The following ARHGAP35 variants were observed in gnomAD, a reference collection of about 807,000 sequenced individuals.
ARHGAP35 encodes rho GTPase-activating protein 35.
In ARHGAP35, 15 loss-of-function variants were observed where a neutral mutation model predicts 111.1. The observed-to-expected ratio is 0.13, with a 90% CI of 0.09 to 0.21. The LOEUF (loss-of-function observed/expected upper bound fraction) is 0.21, where lower values mean the gene tolerates loss of function less well. Ranked by LOEUF, ARHGAP35 falls within the 10% of genes least tolerant of loss-of-function variation. The pLI is 1.00. For missense variants in ARHGAP35, 1,262 were observed against 1,873.0 expected (o/e 0.67, Z 6.02); for synonymous variants, 643 against 710.3 (o/e 0.91, Z 1.51).
At chr19:46,868,904 T>TC (rs2122856887) in intron 1 of ARHGAP35, among the ~76,000 whole-genome samples, 1 of 131,808 alleles carries the variant, frequency 7.6e-6, no homozygotes, top group Non-Finnish European at 1.6e-5. Flanking sequence ...TTTTTTTTTT[T>TC]TTTTTTTTTT....
intron 1 of ARHGAP35, among the ~76,000 whole-genome samples, chr19:46,896,503 C>G (rs78247835): frequency 0.011 from 1,726 of 152,334 alleles, 39 homozygotes; most frequent in African/African-American, 0.039. Context: ...GAGACTGTTT[C>G]CCTCACAGTG....
chr19:46,957,493 G>A (rs920850121), intron 3 of ARHGAP35, among the ~76,000 whole-genome samples: 1 of 151,922 alleles, frequency 6.6e-6, no homozygotes, highest in Non-Finnish European at 1.5e-5. Context: ...TGTGCCTGCA[G>A]TCCCAGCTAC....
At chr19:46,913,991 A>AT (rs963887912) in intron 1 of ARHGAP35, among the ~76,000 whole-genome samples, 1 of 151,968 alleles carries the variant, frequency 6.6e-6, no homozygotes, top group Non-Finnish European at 1.5e-5. Flanking sequence ...GACTCAGCTA[A>AT]TTTTTTTTAC....
intron 1 of ARHGAP35, among the ~76,000 whole-genome samples, chr19:46,912,418 G>A (rs934417665): frequency 2.1e-4 from 31 of 150,936 alleles, no homozygotes; most frequent in African/African-American, 6.8e-4. Flanking sequence ...GCAGTGGCAC[G>A]ATCTCGGCTC....
chr19:46,968,616 T>C (rs182027161), intron 3 of ARHGAP35, among the ~76,000 whole-genome samples: 3 of 152,316 alleles, frequency 2.0e-5, no homozygotes, highest in East Asian at 3.9e-4. Flanking sequence ...AGATATAATA[T>C]ATTCATACAG....
chr19:46,985,968 A>G lies in ARHGAP35; in HGVS notation c.3827-2021A>G, dbSNP rs988850304. 2.6e-5 allele frequency among the ~76,000 whole-genome samples: 4 copies of G among 152,104 alleles called. 1 individual carries two copies. The South Asian group carries it at 8.3e-4, about 32-fold the overall frequency. On this transcript the variant is annotated intron_variant, in intron 3 of 6. Coordinates refer to ENST00000672722, the MANE Select transcript of ARHGAP35 (RefSeq NM_004491.5). ...CTCTCCAGAGGTAGCAGTGACAATA[A>G]CAACCAACACGTGGCTCTCGGAAGC...
rs563071377 is a variant in ARHGAP35 at position 46,922,152 on chromosome 19, G to A, written c.3477G>A (p.Arg1159=). ...VSIVSKPVLY[R]TRCTRLGRFA... is the part of the protein sequence containing the mutation. ...TCGTGAGCAAGCCAGTGCTGTACAG[G>A]ACGAGATGCACCCGGCTGGGGCGGT... is the stretch of plus-strand genomic sequence containing the variant. The change falls in exon 2 of 7, where the codon AGG becomes AGA. Residue 1159 remains arginine (R), a synonymous_variant. Coordinates refer to ENST00000672722, the MANE Select transcript of ARHGAP35 (RefSeq NM_004491.5). The surrounding 1 kb of genome is among the most constrained non-coding windows in gnomAD (Gnocchi z 4.0). The A allele has an allele frequency of 2.5e-6, 4 of 1,614,046 alleles. No homozygotes were observed. The highest frequency in any genetic ancestry group is 3.3e-5 in the Admixed American group (2 of 60,028).
At position 46,994,591 on chromosome 19, in the gene ARHGAP35, G is replaced by C. The variant is rs1430907894; in HGVS notation, c.4037-4713G>C. On this transcript the variant is annotated intron_variant, in intron 5 of 6. Transcript: ENST00000672722. This position sits in a 1 kb window ranked among gnomAD's most constrained non-coding sequence, Gnocchi z 5.4. Reference sequence around the variant, plus strand: ...CCAGAGGCGCCGTGAACTCGCCGGGGATGAGGATGGTGGTCAGGAGGGGAA... The same window carrying C: ...CCAGAGGCGCCGTGAACTCGCCGGGCATGAGGATGGTGGTCAGGAGGGGAA... Among the ~76,000 whole-genome samples, 2 of 152,162 alleles carry C rather than the reference G, an allele frequency of 1.3e-5. No individual in the cohort carries two copies. The highest frequency in any genetic ancestry group is 4.8e-5 in the African/African-American group (2 of 41,434).
At chr19:46,990,023 A>G (rs1319609582) in intron 5 of ARHGAP35, among the ~76,000 whole-genome samples, 1 of 152,164 alleles carries the variant, frequency 6.6e-6, no homozygotes, top group African/African-American at 2.4e-5. Context: ...ACTCCTGCGG[A>G]TGAAATTCTA....
At position 46,993,141 on chromosome 19, in the gene ARHGAP35, G is replaced by A. The variant is rs569361377; in HGVS notation, c.4036+3466G>A. 2.2e-4 allele frequency among the ~76,000 whole-genome samples: 33 copies of A among 152,342 alleles called. No homozygotes were observed. The highest frequency in any genetic ancestry group is 1.0e-3 in the Admixed American group (16 of 15,310). On this transcript the variant is annotated intron_variant, in intron 5 of 6. Transcript: ENST00000672722. The surrounding 1 kb of genome is among the most constrained non-coding windows in gnomAD (Gnocchi z 4.6). ...ACATTCAACAGGTGATTGCAAAGCCGTGTCTCCAGGGGAAGGACAGCTTGG... is the reference window on the plus strand; with the variant it reads ...ACATTCAACAGGTGATTGCAAAGCCATGTCTCCAGGGGAAGGACAGCTTGG...
At chr19:46,884,024 C>T (rs1468677863) in intron 1 of ARHGAP35, among the ~76,000 whole-genome samples, 1 of 152,140 alleles carries the variant, frequency 6.6e-6, no homozygotes, top group Non-Finnish European at 1.5e-5. Context: ...CAGTGCACTC[C>T]AACCTGGGTG....
intron 1 of ARHGAP35, among the ~76,000 whole-genome samples, chr19:46,892,912 G>C (rs926130346): frequency 5.3e-5 from 8 of 152,058 alleles, no homozygotes; most frequent in Admixed American, 4.6e-4. Context: ...CCCAACATTT[G>C]TAAGTCCAGT....
intron 3 of ARHGAP35, among the ~76,000 whole-genome samples, chr19:46,940,849 G>A (rs982362217): frequency 6.6e-6 from 1 of 152,108 alleles, no homozygotes; most frequent in African/African-American, 2.4e-5. Flanking sequence ...CCTTTGCTCT[G>A]TCCCCTCCAC....
chr19:46,959,734 G>C (rs993958921), intron 3 of ARHGAP35, among the ~76,000 whole-genome samples: 1 of 151,094 alleles, frequency 6.6e-6, no homozygotes, highest in African/African-American at 2.4e-5. Context: ...TTTATATTTT[G>C]TCTACTGATG....
chr19:46,920,333 A>T lies in ARHGAP35; in HGVS notation c.1658A>T (p.His553Leu), dbSNP rs1304297222. The T allele has an allele frequency of 6.2e-7, 1 of 1,613,974 alleles. No individual in the cohort carries two copies. Among genetic ancestry groups the T allele is most frequent in the South Asian group, 1.1e-5 (1 of 91,074 alleles). Residue 553 changes from histidine (H) to leucine (L), a missense_variant, in exon 2 of 7, where the codon CAC (histidine) becomes CTC (leucine). This residue lies in a region of ARHGAP35 where 328 missense variants were observed against 440.8 expected (regional missense o/e 0.74). Transcript: ENST00000672722. This position sits in a 1 kb window ranked among gnomAD's most constrained non-coding sequence, Gnocchi z 7.0. Reference protein sequence around the residue: ...LILKHIHFVYHPTKETCPSCP... With the variant: ...LILKHIHFVYLPTKETCPSCP... Reference sequence around the variant, plus strand: ...CTGAAACACATTCATTTTGTGTACCACCCAACAAAGGAGACATGCCCCAGC... The same window carrying T: ...CTGAAACACATTCATTTTGTGTACCTCCCAACAAAGGAGACATGCCCCAGC...
intron 1 of ARHGAP35, among the ~76,000 whole-genome samples, chr19:46,895,751 C>T (rs1346016322): frequency 6.6e-6 from 1 of 152,086 alleles, no homozygotes; most frequent in Admixed American, 6.6e-5. Context: ...TCTCCAGGTC[C>T]CAATGCCCTT....
chr19:46,880,877 C>T (rs920154334), intron 1 of ARHGAP35, among the ~76,000 whole-genome samples: 1 of 150,086 alleles, frequency 6.7e-6, no homozygotes, highest in Non-Finnish European at 1.5e-5. Context: ...AGTCTTACTA[C>T]ATTGCCTGGG....
At chr19:46,864,477 C>G (rs550090421) in intron 1 of ARHGAP35, among the ~76,000 whole-genome samples, 3 of 152,152 alleles carry the variant, frequency 2.0e-5, no homozygotes, top group Non-Finnish European at 4.4e-5. Context: ...ACTGGAAGGA[C>G]TTTCTTAACT....
chr19:46,936,862 T>TC (rs2056311039), intron 2 of ARHGAP35, among the ~76,000 whole-genome samples: 1 of 151,472 alleles, frequency 6.6e-6, no homozygotes, highest in Non-Finnish European at 1.5e-5. Context: ...TTTTTTTTTT[T>TC]TGAGTCTTAC....
Sources: gnomAD v4.1 joint callset for allele counts (sites outside exome capture counted in the v4.1 genomes callset) on GRCh38, gnomAD v4.1.1 for gene constraint, gnomAD v4.1.1 regional missense constraint, Gnocchi (gnomAD v3.1) non-coding constraint, MANE v1.5 for transcripts, NCBI Gene and HGNC (gene_info 2026-07-23, HGNC 2026-07-21) for gene names.